The following MYO7B variants were observed in gnomAD, a reference collection of about 807,000 sequenced individuals.
The protein encoded by MYO7B is unconventional myosin-VIIb.
MYO7B carries 212 observed loss-of-function variants against 259.7 expected under a neutral mutation model. The observed-to-expected ratio is 0.82, with a 90% CI of 0.73 to 0.91. The LOEUF (loss-of-function observed/expected upper bound fraction) is 0.91. MYO7B is among the 40% of genes least tolerant of loss of function. MYO7B has a pLI of 0.00. For synonymous variants in MYO7B, 1,197 were observed against 1,166.4 expected, an observed-to-expected ratio of 1.03 and a Z score of -0.54; for missense variants, 2,732 against 2,813.5, an observed-to-expected ratio of 0.97 and a Z score of 0.66.
At chr2:127,610,045 A>G in intron 24 of MYO7B, 29 bp downstream of exon 24, 1 of 1,602,062 alleles carries the variant, frequency 6.2e-7, no homozygotes, top group South Asian at 1.1e-5. Context: ...CGGGCAGAGG[A>G]GGGCGACACC....
In MYO7B at chr2:127,566,937, A is replaced by G; in HGVS notation, c.470+110A>G. On this transcript the variant is annotated intron_variant, in intron 5 of 47. Transcript: ENST00000409816. ...GAGCTCTCCCTACTCCATGGCACAC[A>G]CCCATCTCCACAGCACACAACGGCC... The G allele has an allele frequency of 2.6e-6, 3 of 1,152,708 alleles. No individual in the cohort carries two copies. In the South Asian group the frequency reaches 4.7e-5, roughly 18 times the overall value. 71.4% of individuals were successfully genotyped at this position (1,152,708 alleles called of 1,614,324 possible).
In MYO7B at chr2:127,556,736, A is replaced by G. The variant is rs115554085; in HGVS notation, c.-23-2964A>G. On this transcript the variant is annotated intron_variant, in intron 1 of 47. Transcript: ENST00000409816. ...AGGGTCCCAATCCCTTCTAGCTTAT[A>G]GAGTTTCTGCTGAGAAATCTGCTAT... 5.8e-3 allele frequency among the ~76,000 whole-genome samples: 890 copies of G among 152,354 alleles called. 9 individuals carry two copies. The highest frequency in any genetic ancestry group is 0.02 in the African/African-American group (821 of 41,578).
At chr2:127,621,031 G>GT (rs1179612721) in intron 27 of MYO7B, among the ~76,000 whole-genome samples, 1 of 152,198 alleles carries the variant, frequency 6.6e-6, no homozygotes, top group East Asian at 1.9e-4. Flanking sequence ...CAGGGTCCTT[G>GT]TGATCAAACA....
intron 47 of MYO7B, 101 bp downstream of exon 47, chr2:127,637,014 T>C: frequency 1.3e-6 from 2 of 1,536,168 alleles, no homozygotes; most frequent in Non-Finnish European, 8.8e-7. Flanking sequence ...CTAAGAGGGC[T>C]CAGTCACAGG....
chr2:127,629,678 A>G lies in MYO7B; in HGVS notation c.4658A>G (p.Asp1553Gly). ...DTTLLAFKKG[D>G]LLVLTKKQGL... ...ACCCTCCTGGCCTTCAAGAAGGGGG[A>G]CCTGTTGGTCCTCACAAAGAAGCAG... The change falls in exon 35 of 48, where the codon GAC becomes GGC. Residue 1553 changes from aspartate (D) to glycine (G), a missense_variant. Transcript: ENST00000409816. 1 of 1,612,156 alleles carries G rather than the reference A, an allele frequency of 6.2e-7. No individual in the cohort carries two copies. The highest frequency in any genetic ancestry group is 8.5e-7 in the Non-Finnish European group (1 of 1,179,366).
At chr2:127,588,248 G>T (rs780417973) in intron 14 of MYO7B, 144 bp from the exon 15 acceptor site, 1 of 881,280 alleles carries the variant, frequency 1.1e-6, no homozygotes, top group Non-Finnish European at 1.7e-6. Flanking sequence ...CTGGGTAGAG[G>T]GGTGGAGAGC....
rs1161525455 is a variant in MYO7B, at chr2:127,565,323, G to T, written c.223G>T (p.Asp75Tyr). The change falls in exon 4 of 48, where the codon GAC becomes TAC. Residue 75 changes from aspartate (D) to tyrosine (Y), a missense_variant. Asp to Tyr is a radical substitution (Grantham distance 160). This residue lies in a region of MYO7B where 1,906 missense variants were observed against 2,026.4 expected (regional missense o/e 0.94). Coordinates refer to ENST00000409816, the MANE Select transcript of MYO7B (RefSeq NM_001393586.1). ...TGTGGACGACATGATCCGCCTGGGG[G>T]ACCTGAACGAGGCAGGCATGGTGCA... ...QGVDDMIRLG[D>Y]LNEAGMVHNL... 5.0e-6 allele frequency: 8 copies of T among 1,614,046 alleles called. No individual in the cohort carries two copies. The highest frequency in any genetic ancestry group is 1.7e-5 in the Admixed American group (1 of 60,028).
intron 2 of MYO7B, among the ~76,000 whole-genome samples, chr2:127,563,082 G>T (rs1346843052): frequency 6.6e-6 from 1 of 152,002 alleles, no homozygotes; most frequent in Non-Finnish European, 1.5e-5. Context: ...ATTCGGCTCT[G>T]CCAACTCATG....
In MYO7B at chr2:127,581,945, G is replaced by A; in HGVS notation, c.1135G>A (p.Gly379Arg). Residue 379 changes from glycine to arginine, a missense_variant, in exon 11 of 48, where the codon GGG (glycine) becomes AGG (arginine). This residue lies in a region of MYO7B where 1,906 missense variants were observed against 2,026.4 expected (regional missense o/e 0.94). Coordinates refer to ENST00000409816, the MANE Select transcript of MYO7B (RefSeq NM_001393586.1). ...CLIKHTILIR[G>R]EFVTRSLNIA... The stretch of plus-strand genomic sequence containing the variant: ...GATCAAGCACACCATCCTCATCCGA[G>A]GGGAATTTGTCACCAGGTCCCTGAA... The A allele has an allele frequency of 1.2e-6, 2 of 1,613,934 alleles. No homozygotes were observed. The highest frequency in any genetic ancestry group is 2.2e-5 in the South Asian group (2 of 91,080).
rs185684539 is a variant in MYO7B at position 127,540,384 on chromosome 2, G to A, written c.-24+4553G>A. ...TCACCATGTTGGCCAGGCTGGTCTC[G>A]AACTCCTGACCTCAGGTGATCCACC... On this transcript the variant is annotated intron_variant, in intron 1 of 47. Transcript: ENST00000409816. Among the ~76,000 whole-genome samples, 101 of 152,178 alleles carry A rather than the reference G, an allele frequency of 6.6e-4. 2 individuals carry two copies. The East Asian group carries it at 0.018, about 27-fold the overall frequency.
rs1201202864 is a variant in MYO7B at position 127,584,323 on chromosome 2, C to T, written c.1545C>T (p.Arg515=). The T allele has an allele frequency of 6.2e-7, 1 of 1,613,822 alleles. No individual in the cohort carries two copies. Among genetic ancestry groups the T allele is most frequent in the Admixed American group, 1.7e-5 (1 of 60,006 alleles). The change falls in exon 13 of 48, where the codon CGC becomes CGT. Residue 515 remains arginine (R), a synonymous_variant. Transcript: ENST00000409816. The surrounding 1 kb of genome is among the most constrained non-coding windows in gnomAD (Gnocchi z 5.8). ...SIISLLDEES[R]FPQGTDLTML... Reference sequence around the variant, plus strand: ...TCTCCCTCCTGGACGAAGAAAGCCGCTTCCCGCAGGTGTGTGTTCGGGCCT... The same window carrying T: ...TCTCCCTCCTGGACGAAGAAAGCCGTTTCCCGCAGGTGTGTGTTCGGGCCT...
chr2:127,563,733 C>G (rs1678202712), intron 2 of MYO7B, among the ~76,000 whole-genome samples: 1 of 152,214 alleles, frequency 6.6e-6, no homozygotes, highest in Admixed American at 6.5e-5. Context: ...GTGCTCGTTT[C>G]TGTTTCTCAT....
intron 9 of MYO7B, among the ~76,000 whole-genome samples, chr2:127,580,015 G>C (rs1244926699): frequency 6.6e-6 from 1 of 152,216 alleles, no homozygotes; most frequent in Non-Finnish European, 1.5e-5. Flanking sequence ...GTCTCAGCCC[G>C]CAAGGACCTC....
At chr2:127,560,172 G>A (rs1558799111) in intron 2 of MYO7B, among the ~76,000 whole-genome samples, 1 of 151,958 alleles carries the variant, frequency 6.6e-6, no homozygotes, top group African/African-American at 2.4e-5. Flanking sequence ...GACCACAGGT[G>A]CATGCCACCA....
intron 9 of MYO7B, among the ~76,000 whole-genome samples, chr2:127,578,725 C>T (rs946524673): frequency 6.6e-6 from 1 of 152,176 alleles, no homozygotes; most frequent in African/African-American, 2.4e-5. Context: ...CAAATGATTC[C>T]TGTGAGTAGT....
intron 40 of MYO7B, 67 bp downstream of exon 40, chr2:127,633,430 C>G: frequency 6.8e-7 from 1 of 1,468,170 alleles, no homozygotes; most frequent in East Asian, 2.4e-5. Context: ...ATCCTCCTTC[C>G]TGGCCCAGCC....
chr2:127,544,712 C>A (rs968299899), intron 1 of MYO7B, among the ~76,000 whole-genome samples: 2 of 151,856 alleles, frequency 1.3e-5, no homozygotes, highest in African/African-American at 4.8e-5. Context: ...TCCCGAGTAG[C>A]TGGGACTACA....
chr2:127,580,435 C>T lies in MYO7B; in HGVS notation c.1004-311C>T, dbSNP rs1351760380. Among the ~76,000 whole-genome samples, 4 of 152,240 alleles carry T rather than the reference C, an allele frequency of 2.6e-5. No individual in the cohort carries two copies. The East Asian group carries it at 7.7e-4, about 29-fold the overall frequency. On this transcript the variant is annotated intron_variant, in intron 9 of 47. Coordinates refer to ENST00000409816, the MANE Select transcript of MYO7B (RefSeq NM_001393586.1). ...CTCATCTCTCCAGTGCCAGTGTCTG[C>T]TGTGTTTCCCAAGTCAGACTTCTCC...
intron 1 of MYO7B, among the ~76,000 whole-genome samples, chr2:127,558,185 A>C (rs1677906553): frequency 1.3e-5 from 2 of 152,218 alleles, no homozygotes; most frequent in South Asian, 4.1e-4. Flanking sequence ...AAAGTGGGCT[A>C]AGGTTATGAA....
Sources: gnomAD v4.1 joint callset for allele counts (sites outside exome capture counted in the v4.1 genomes callset) on GRCh38, gnomAD v4.1.1 for gene constraint, gnomAD v4.1.1 regional missense constraint, Gnocchi (gnomAD v3.1) non-coding constraint, MANE v1.5 for transcripts, NCBI Gene and HGNC (gene_info 2026-07-23, HGNC 2026-07-21) for gene names.